Variants in TSNAX observed in about 807,000 individuals in gnomAD.
TSNAX encodes the protein translin associated factor X, also known as translin-associated protein X.
A neutral mutation model predicts 33.0 loss-of-function variants in TSNAX; 12 were observed. The observed-to-expected ratio is 0.36, with a 90% CI of 0.23 to 0.59. The LOEUF (loss-of-function observed/expected upper bound fraction) is 0.59, where lower values mean the gene tolerates loss of function less well. TSNAX is among the 20% of genes least tolerant of loss of function. The probability of loss-of-function intolerance (pLI) is 0.74; values close to 1 mark genes in which losing one functional copy is unlikely to be tolerated. For synonymous variants in TSNAX, 110 were observed against 117.2 expected, an observed-to-expected ratio of 0.94 and a Z score of 0.40; for missense variants, 267 against 341.3, an observed-to-expected ratio of 0.78 and a Z score of 1.72.
chr1:231,529,340 C>G lies in TSNAX; in HGVS notation c.102C>G (p.Pro34=), dbSNP rs761817551. Residue 34 remains proline, a synonymous_variant, in exon 2 of 6, where the codon CCC becomes CCG. Transcript: ENST00000366639. The part of the protein sequence containing the change: ...REGKDVNSSS[P]VMLAFKSFQQ... ...GGAAGGATGTTAATTCATCTTCACC[C>G]GTGATGTTGGCCTTTAAATGTAAGT... is the stretch of plus-strand genomic sequence containing the variant. The G allele has an allele frequency of 1.2e-6, 2 of 1,613,946 alleles. No homozygotes were observed. Among genetic ancestry groups the G allele is most frequent in the African/African-American group, 1.3e-5 (1 of 74,894 alleles).
At position 231,561,167 on chromosome 1, in the gene TSNAX, TC is replaced by T; in HGVS notation, c.408del (p.Phe136LeufsTer7). ...EYVEAVSFQH[F>X]IKTRSLISMD... is the part of the protein sequence containing the mutation. Reference sequence around the variant, plus strand: ...GTGGAAGCTGTCTCTTTTCAACACTTCATCAAAACACGATCATTAATTAGTA... The same window carrying T: ...GTGGAAGCTGTCTCTTTTCAACACTTATCAAAACACGATCATTAATTAGTA... On this transcript the variant is annotated frameshift_variant, in exon 5 of 6. Transcript: ENST00000366639. LOFTEE classifies it high-confidence loss of function. 5 of 1,611,448 alleles carry T rather than the reference TC, an allele frequency of 3.1e-6. No homozygotes were observed. Among genetic ancestry groups the T allele is most frequent in the Non-Finnish European group, 4.2e-6 (5 of 1,178,930 alleles).
intron 3 of TSNAX, 94 bp from the exon 4 acceptor site, chr1:231,542,387 A>G: frequency 1.5e-6 from 2 of 1,335,860 alleles, no homozygotes; most frequent in Non-Finnish European, 2.1e-6. Context: ...ATGAATGCAT[A>G]CAATATTTAG....
chr1:231,551,451 C>G (rs1317450469), intron 4 of TSNAX, among the ~76,000 whole-genome samples: 3 of 152,138 alleles, frequency 2.0e-5, no homozygotes, highest in African/African-American at 7.2e-5. Flanking sequence ...AGCATGAGAA[C>G]ATTAATAGCT....
intron 5 of TSNAX, among the ~76,000 whole-genome samples, chr1:231,562,652 C>T (rs1246991882): frequency 6.6e-6 from 1 of 151,982 alleles, no homozygotes; most frequent in Non-Finnish European, 1.5e-5. Flanking sequence ...GTTTTCAGGA[C>T]TTAGGTACCA....
chr1:231,528,981 C>T (rs937854536), intron 1 of TSNAX, among the ~76,000 whole-genome samples, 155 bp downstream of exon 1: 2 of 152,230 alleles, frequency 1.3e-5, no homozygotes, highest in African/African-American at 4.8e-5. Flanking sequence ...CAGATCGGCC[C>T]TGTTTACACC....
At chr1:231,564,160 G>A (rs1184491777) in intron 5 of TSNAX, among the ~76,000 whole-genome samples, 1 of 152,168 alleles carries the variant, frequency 6.6e-6, no homozygotes, top group Non-Finnish European at 1.5e-5. Context: ...AACTTGGAGG[G>A]CTGTATGGTT....
chr1:231,541,848 T>C (rs957419129), intron 3 of TSNAX, among the ~76,000 whole-genome samples: 1 of 152,244 alleles, frequency 6.6e-6, no homozygotes, highest in African/African-American at 2.4e-5. Context: ...AGTACTCAAC[T>C]GAAGACTTGA....
chr1:231,531,688 GT>G (rs1175886234), intron 2 of TSNAX, among the ~76,000 whole-genome samples: 1 of 152,138 alleles, frequency 6.6e-6, no homozygotes, highest in Non-Finnish European at 1.5e-5. Flanking sequence ...TTAGTTAATA[GT>G]TTAAGTTCTT....
At chr1:231,535,263 A>G (rs959186805) in intron 2 of TSNAX, 5 of 152,236 alleles carry the variant, frequency 3.3e-5, no homozygotes, top group Admixed American at 6.5e-5. Flanking sequence ...GGTATATACA[A>G]CGTTCTGTAA....
In TSNAX at chr1:231,559,629, A is replaced by G. The variant is rs925837188; in HGVS notation, c.368-1499A>G. ...AGGTGTGAGCCACCGGCGCCCGGCC[A>G]GAAAGTAGTTGTTTTAAAACACTTG... On this transcript the variant is annotated intron_variant, in intron 4 of 5. Transcript: ENST00000366639. Among the ~76,000 whole-genome samples the G allele has an allele frequency of 3.9e-5, 6 of 152,284 alleles. No homozygotes were observed. In the East Asian group the frequency reaches 1.2e-3, roughly 29 times the overall value.
In TSNAX at chr1:231,552,078, C is replaced by T. The variant is rs1162943411; in HGVS notation, c.368-9050C>T. On this transcript the variant is annotated intron_variant, in intron 4 of 5. Transcript: ENST00000366639. ...TGGGAGGCCAAGGTGGGCGAATCAC[C>T]TGAGGTCGGGAGTTCGAGACCAGCC... Among the ~76,000 whole-genome samples, 3 of 152,116 alleles carry T rather than the reference C, an allele frequency of 2.0e-5. No individual in the cohort carries two copies. The East Asian group carries it at 5.8e-4, about 29-fold the overall frequency.
Position 231,565,868 on chromosome 1 carries a change from T to C in TSNAX, c.*963T>C, listed in dbSNP as rs1438546020. The C allele has an allele frequency of 1.3e-5, 2 of 152,108 alleles. No individual in the cohort carries two copies. The highest frequency in any genetic ancestry group is 6.6e-5 in the Admixed American group (1 of 15,264). 9.4% of individuals were successfully genotyped at this position (152,108 alleles called of 1,614,324 possible). A position where few individuals can be genotyped will look rare whatever the true frequency, so the allele number is the denominator to read the frequency against. ...TGACAGGTGCCCAGATGTTGCTTTC[T>C]CCATTTATTTTTTGTTTTTTTTTAA... On this transcript the variant is annotated 3_prime_UTR_variant, in exon 6 of 6. Transcript: ENST00000366639.
intron 4 of TSNAX, among the ~76,000 whole-genome samples, chr1:231,547,215 T>C (rs189046571): frequency 6.6e-6 from 1 of 152,106 alleles, no homozygotes; most frequent in Non-Finnish European, 1.5e-5. Context: ...GAGAAGACTT[T>C]TAGTTCTACT....
chr1:231,550,221 G>T (rs1267189437), intron 4 of TSNAX, among the ~76,000 whole-genome samples: 1 of 152,206 alleles, frequency 6.6e-6, no homozygotes, highest in Non-Finnish European at 1.5e-5. Context: ...GGGCAGCCCA[G>T]TTCAGTCCAT....
At chr1:231,529,151 C>T in intron 1 of TSNAX, 104 bp from the exon 2 acceptor site, 1 of 1,161,384 alleles carries the variant, frequency 8.6e-7, no homozygotes, top group Non-Finnish European at 1.2e-6. Flanking sequence ...AGGCGAGGGC[C>T]CTGTGGGTAT....
At chr1:231,532,517 A>G (rs1408239784) in intron 2 of TSNAX, among the ~76,000 whole-genome samples, 1 of 151,882 alleles carries the variant, frequency 6.6e-6, no homozygotes, top group South Asian at 2.1e-4. Context: ...TGTCAGTTAT[A>G]CCCCAGTAAA....
At chr1:231,564,206 T>C (rs576465988) in intron 5 of TSNAX, among the ~76,000 whole-genome samples, 2 of 152,316 alleles carry the variant, frequency 1.3e-5, no homozygotes, top group East Asian at 3.9e-4. Context: ...GCAATAAAGT[T>C]ATTAAGCCTT....
chr1:231,559,424 G>T (rs1204365839), intron 4 of TSNAX, among the ~76,000 whole-genome samples: 2 of 152,096 alleles, frequency 1.3e-5, no homozygotes, highest in Non-Finnish European at 2.9e-5. Flanking sequence ...CACCTCCCGG[G>T]TTCACGCCAT....
intron 4 of TSNAX, among the ~76,000 whole-genome samples, chr1:231,559,403 A>T (rs1660894202): frequency 6.6e-6 from 1 of 152,110 alleles, no homozygotes; most frequent in Non-Finnish European, 1.5e-5. Context: ...ATCTCGGCTC[A>T]TTACAAGCCC....
Sources: gnomAD v4.1 joint callset for allele counts (sites outside exome capture counted in the v4.1 genomes callset) on GRCh38, gnomAD v4.1.1 for gene constraint, MANE v1.5 for transcripts, NCBI Gene and HGNC (gene_info 2026-07-23, HGNC 2026-07-21) for gene names.